DLGAP2: variants seen among roughly 807,000 people sequenced by gnomAD.
DLGAP2 encodes the protein DLG associated protein 2.
In DLGAP2, 26 loss-of-function variants were observed where a neutral mutation model predicts 100.3. The ratio of observed to expected loss-of-function variants is 0.26; its 90% confidence interval spans 0.19 to 0.36. DLGAP2 has a LOEUF of 0.36. Ranked by LOEUF, DLGAP2 falls within the 10% of genes least tolerant of loss-of-function variation. DLGAP2 has a pLI of 1.00. For synonymous variants in DLGAP2, 886 were observed against 630.1 expected (o/e 1.41, Z -6.08); for missense variants, 1,858 against 1,453.2 (o/e 1.28, Z -4.53).
At position 1,557,879 on chromosome 8, in the gene DLGAP2, T is replaced by C. The variant is rs764796929; in HGVS notation, c.1231-7804T>C. Among the ~76,000 whole-genome samples the C allele has an allele frequency of 5.9e-5, 9 of 152,290 alleles. No individual in the cohort carries two copies. The South Asian group carries it at 1.9e-3, about 32-fold the overall frequency. Reference sequence around the variant, plus strand: ...CTTCTTCACCTCTGTAAACGTCCCATCTCCAAATAATCACATTCTGAGGTC... The same window carrying C: ...CTTCTTCACCTCTGTAAACGTCCCACCTCCAAATAATCACATTCTGAGGTC... On this transcript the variant is annotated intron_variant, in intron 5 of 14. Coordinates refer to ENST00000637795, the MANE Select transcript of DLGAP2 (RefSeq NM_001346810.2).
At chr8:1,130,128 TCACGCGAGTTATA>T (rs1796259308) in intron 2 of DLGAP2, among the ~76,000 whole-genome samples, 2 of 150,698 alleles carry the variant, frequency 1.3e-5, no homozygotes, top group African/African-American at 4.9e-5. Flanking sequence ...GTCAGACACT[TCACGCGAGTTATA>T]TGAGATGATG....
intron 5 of DLGAP2, among the ~76,000 whole-genome samples, chr8:1,551,573 C>G (rs1046961829): frequency 1.1e-4 from 17 of 152,176 alleles, no homozygotes; most frequent in African/African-American, 4.1e-4. Flanking sequence ...AACAGCTATT[C>G]CACGGTCTAG....
intron 2 of DLGAP2, among the ~76,000 whole-genome samples, chr8:1,125,201 C>T (rs1796138162): frequency 6.6e-6 from 1 of 152,210 alleles, no homozygotes; most frequent in Non-Finnish European, 1.5e-5. Context: ...ACAGCTTCCT[C>T]CACACATAAT....
chr8:1,524,404 A>G (rs1800720040), intron 4 of DLGAP2, among the ~76,000 whole-genome samples: 1 of 152,176 alleles, frequency 6.6e-6, no homozygotes, highest in Non-Finnish European at 1.5e-5. Context: ...TGTTTGCAGA[A>G]CTGAAATGCT....
At chr8:1,345,190 G>A (rs1380279903) in intron 3 of DLGAP2, among the ~76,000 whole-genome samples, 1 of 64,966 alleles carries the variant, frequency 1.5e-5, no homozygotes, top group Admixed American at 1.7e-4. Flanking sequence ...TTTCTGTGAA[G>A]TAGAGTTCTG....
chr8:1,414,218 G>A (rs947707064), intron 3 of DLGAP2, among the ~76,000 whole-genome samples: 2 of 152,206 alleles, frequency 1.3e-5, no homozygotes, highest in African/African-American at 4.8e-5. Flanking sequence ...AAGTGCTAAA[G>A]CTGGAAACTG....
intron 3 of DLGAP2, among the ~76,000 whole-genome samples, chr8:1,407,894 C>T (rs1299777898): frequency 1.3e-5 from 2 of 152,184 alleles, no homozygotes; most frequent in African/African-American, 2.4e-5. Flanking sequence ...CCTCTGGAGT[C>T]ATGTATTGAG....
chr8:982,728 T>G (rs762450893), intron 2 of DLGAP2, among the ~76,000 whole-genome samples: 2 of 152,168 alleles, frequency 1.3e-5, no homozygotes, highest in African/African-American at 2.4e-5. Flanking sequence ...ACCTAACCAA[T>G]AAGTCTCTGC....
At chr8:1,093,682 C>G (rs1390696934) in intron 2 of DLGAP2, among the ~76,000 whole-genome samples, 2 of 152,138 alleles carry the variant, frequency 1.3e-5, no homozygotes, top group African/African-American at 2.4e-5. Flanking sequence ...CACCAACAGC[C>G]AGACAGAAAC....
intron 6 of DLGAP2, among the ~76,000 whole-genome samples, chr8:1,597,379 G>GTTTT (rs34775138): frequency 2.2e-3 from 328 of 150,208 alleles, no homozygotes; most frequent in East Asian, 4.5e-3. Context: ...ATTTAAAGTA[G>GTTTT]TTTTTTTTTT....
chr8:1,684,843 T>A (rs1050418847), intron 12 of DLGAP2, among the ~76,000 whole-genome samples: 13 of 152,258 alleles, frequency 8.5e-5, no homozygotes, highest in African/African-American at 2.9e-4. Flanking sequence ...AATAATTCCA[T>A]TGAGATGCAA....
At chr8:1,701,124 A>C in intron 14 of DLGAP2, 64 bp from the exon 15 acceptor site, 1 of 1,467,590 alleles carries the variant, frequency 6.8e-7, no homozygotes, top group Non-Finnish European at 9.2e-7. Context: ...AGGGCCGCTG[A>C]GCTCGCGAGC....
intron 1 of DLGAP2, among the ~76,000 whole-genome samples, chr8:755,879 A>G (rs1165717974): frequency 6.6e-6 from 1 of 152,216 alleles, no homozygotes; most frequent in Non-Finnish European, 1.5e-5. Flanking sequence ...CCCACACACC[A>G]GAAACCATGG....
chr8:1,439,667 G>A (rs1457856118), intron 3 of DLGAP2, among the ~76,000 whole-genome samples: 1 of 152,160 alleles, frequency 6.6e-6, no homozygotes, highest in Non-Finnish European at 1.5e-5. Context: ...TCTCGAAACT[G>A]AAACGGCAAC....
chr8:1,495,062 C>G (rs1385992049), intron 3 of DLGAP2, among the ~76,000 whole-genome samples: 1 of 152,210 alleles, frequency 6.6e-6, no homozygotes, highest in Non-Finnish European at 1.5e-5. Flanking sequence ...GAGGCATTGC[C>G]AGGACCGACA....
chr8:1,502,073 A>T (rs1390479310), intron 4 of DLGAP2, among the ~76,000 whole-genome samples: 2 of 152,252 alleles, frequency 1.3e-5, no homozygotes, highest in African/African-American at 4.8e-5. Context: ...TACATCTGAC[A>T]TCAAACTGTT....
At position 1,315,363 on chromosome 8, in the gene DLGAP2, G is replaced by A. The variant is rs62483959; in HGVS notation, c.106+56480G>A. ...GGCAGCGTTTAAAAATAGAGCCTATGCGAGTGCAGCGTCTCTCCAACAGTG... is the reference window on the plus strand; with the variant it reads ...GGCAGCGTTTAAAAATAGAGCCTATACGAGTGCAGCGTCTCTCCAACAGTG... On this transcript the variant is annotated intron_variant, in intron 3 of 14. Coordinates refer to ENST00000637795, the MANE Select transcript of DLGAP2 (RefSeq NM_001346810.2). 6.7e-4 allele frequency among the ~76,000 whole-genome samples: 64 copies of A among 95,466 alleles called. 1 individual carries two copies. The highest frequency in any genetic ancestry group is 4.3e-3 in the Middle Eastern group (1 of 232). 62.6% of individuals were successfully genotyped at this position (95,466 alleles called of 152,430 possible).
At chr8:1,596,314 A>G (rs1796458363) in intron 6 of DLGAP2, among the ~76,000 whole-genome samples, 1 of 152,162 alleles carries the variant, frequency 6.6e-6, no homozygotes, top group African/African-American at 2.4e-5. Context: ...GCTATTGTGA[A>G]TAGTGCTGCA....
rs183141002 is a variant in DLGAP2, at chr8:1,383,296, T to A, written c.107-118070T>A. Among the ~76,000 whole-genome samples the A allele has an allele frequency of 3.9e-5, 6 of 152,336 alleles. No individual in the cohort carries two copies. In the East Asian group the frequency reaches 1.2e-3, roughly 29 times the overall value. On this transcript the variant is annotated intron_variant, in intron 3 of 14. Coordinates refer to ENST00000637795, the MANE Select transcript of DLGAP2 (RefSeq NM_001346810.2). ...GAGAATATGTTACAGTATTTCAAATTCTCAAATATGGAAAAGGTGTTGGAA... is the reference window on the plus strand; with the variant it reads ...GAGAATATGTTACAGTATTTCAAATACTCAAATATGGAAAAGGTGTTGGAA...
Sources: gnomAD v4.1 joint callset for allele counts (sites outside exome capture counted in the v4.1 genomes callset) on GRCh38, gnomAD v4.1.1 for gene constraint, MANE v1.5 for transcripts, NCBI Gene and HGNC (gene_info 2026-07-23, HGNC 2026-07-21) for gene names.